SORT1: variants seen among roughly 807,000 people sequenced by gnomAD.
The protein encoded by SORT1 is sortilin.
A neutral mutation model predicts 101.7 loss-of-function variants in SORT1; 39 were observed. The ratio of observed to expected loss-of-function variants is 0.38; its 90% CI spans 0.30 to 0.50. SORT1 has a LOEUF of 0.50. Ranked by LOEUF, SORT1 falls within the 20% of genes least tolerant of loss-of-function variation. The pLI is 0.90. For synonymous variants in SORT1, 396 were observed against 393.7 expected (o/e 1.01, Z -0.07); for missense variants, 878 against 1,040.4 (o/e 0.84, Z 2.15).
chr1:109,333,856 T>C (rs966062634), intron 11 of SORT1, among the ~76,000 whole-genome samples: 14 of 152,128 alleles, frequency 9.2e-5, no homozygotes, highest in African/African-American at 3.4e-4. Context: ...AGAAAATGAA[T>C]AACAGCAGGG....
At chr1:109,381,791 G>A (rs1652254105) in intron 1 of SORT1, among the ~76,000 whole-genome samples, 1 of 152,090 alleles carries the variant, frequency 6.6e-6, no homozygotes, top group African/African-American at 2.4e-5. Context: ...TTGAGCCCAG[G>A]AGGTCAAGGC....
chr1:109,337,241 T>TTTTA (rs535757878), intron 10 of SORT1, among the ~76,000 whole-genome samples: 11 of 152,084 alleles, frequency 7.2e-5, no homozygotes, highest in Admixed American at 1.3e-4. Context: ...TTTCCTTTAT[T>TTTTA]TTTATTTATT....
At chr1:109,339,959 G>A (rs1405481981) in intron 10 of SORT1, among the ~76,000 whole-genome samples, 1 of 152,060 alleles carries the variant, frequency 6.6e-6, no homozygotes, top group Non-Finnish European at 1.5e-5. Flanking sequence ...GACCAACCTG[G>A]CCAACATGGT....
chr1:109,365,091 C>A (rs990530714), intron 3 of SORT1, among the ~76,000 whole-genome samples: 1 of 152,200 alleles, frequency 6.6e-6, no homozygotes, highest in African/African-American at 2.4e-5. Context: ...AGATAATAAA[C>A]TGCAAACAAA....
chr1:109,389,994 G>A (rs1652804008), intron 1 of SORT1: 1 of 152,138 alleles, frequency 6.6e-6, no homozygotes, highest in Non-Finnish European at 1.5e-5. Flanking sequence ...CCACAAAAGA[G>A]CTATCTTTTT....
At chr1:109,347,749 C>T (rs1649695303) in intron 6 of SORT1, among the ~76,000 whole-genome samples, 2 of 152,186 alleles carry the variant, frequency 1.3e-5, no homozygotes, top group African/African-American at 4.8e-5. Flanking sequence ...CACTTCTTTA[C>T]GTGAACTCTT....
chr1:109,374,067 C>T (rs1303889367), intron 1 of SORT1, among the ~76,000 whole-genome samples: 1 of 152,092 alleles, frequency 6.6e-6, no homozygotes, highest in Non-Finnish European at 1.5e-5. Context: ...CCAGCCTGAG[C>T]AACAGAGCAA....
intron 3 of SORT1, among the ~76,000 whole-genome samples, chr1:109,366,484 C>T (rs1379287131): frequency 1.3e-5 from 2 of 152,162 alleles, no homozygotes; most frequent in Non-Finnish European, 2.9e-5. Flanking sequence ...AATAAATATC[C>T]ATATAAATGA....
chr1:109,349,527 A>T (rs1261298411), intron 6 of SORT1, among the ~76,000 whole-genome samples: 6 of 152,094 alleles, frequency 3.9e-5, no homozygotes, highest in African/African-American at 1.4e-4. Flanking sequence ...GTACTCTGGG[A>T]GGCTGAGGAG....
At chr1:109,330,315 A>G (rs1233430079) in intron 11 of SORT1, among the ~76,000 whole-genome samples, 1 of 152,216 alleles carries the variant, frequency 6.6e-6, no homozygotes, top group Non-Finnish European at 1.5e-5. Flanking sequence ...CAACTACAAC[A>G]TTATGAAACT....
In SORT1 at chr1:109,327,529, G is replaced by C. The variant is rs1648163846; in HGVS notation, c.1444C>G (p.Pro482Ala). The C allele has an allele frequency of 6.2e-7, 1 of 1,611,292 alleles. No homozygotes were observed. Among genetic ancestry groups the C allele is most frequent in the African/African-American group, 1.3e-5 (1 of 74,798 alleles). The change falls in exon 12 of 20, where the codon CCG (proline) becomes GCG (alanine). Residue 482 changes from proline (P) to alanine (A), a missense_variant. Transcript: ENST00000256637. The part of the protein sequence containing the change: ...LNVPMAPLSE[P>A]NAVGIVIAHG... Reference sequence around the variant, plus strand: ...GCAATGACAATGCCTACGGCATTCGGCTCTGAGAGTGGGGCCATTGGAACA... The same window carrying C: ...GCAATGACAATGCCTACGGCATTCGCCTCTGAGAGTGGGGCCATTGGAACA...
chr1:109,337,879 G>A (rs2101574405), intron 10 of SORT1, among the ~76,000 whole-genome samples: 1 of 152,218 alleles, frequency 6.6e-6, no homozygotes, highest in South Asian at 2.1e-4. Flanking sequence ...ACTCACTTTG[G>A]TCTCCCAAAG....
intron 8 of SORT1, 111 bp from the exon 9 acceptor site, chr1:109,342,269 AC>A (rs1649279093): frequency 1.2e-6 from 1 of 808,238 alleles, no homozygotes; most frequent in Non-Finnish European, 2.0e-6. Context: ...TCTACTGGGT[AC>A]GATTGCTATG....
In SORT1 at chr1:109,314,704, C is replaced by T; in HGVS notation, c.2325G>A (p.Val775=). The T allele has an allele frequency of 6.2e-7, 1 of 1,608,110 alleles. No individual in the cohort carries two copies. The highest frequency in any genetic ancestry group is 1.7e-5 in the Admixed American group (1 of 60,010). The change falls in exon 18 of 20, where the codon GTG becomes GTA. Residue 775 remains valine, a synonymous_variant. Coordinates refer to ENST00000256637, the MANE Select transcript of SORT1 (RefSeq NM_002959.7). ...GLMLVTVVAG[V]LIVKKYVCGG... ...CACAGACATATTTCTTCACAATGAG[C>T]ACTCCTGCTACGACTGTGACCAGCA...
chr1:109,370,334 T>A (rs932565178), intron 1 of SORT1, among the ~76,000 whole-genome samples: 1 of 152,094 alleles, frequency 6.6e-6, no homozygotes, highest in African/African-American at 2.4e-5. Flanking sequence ...TTAAAGAAGA[T>A]GTAGACAATT....
intron 3 of SORT1, among the ~76,000 whole-genome samples, chr1:109,358,225 T>C (rs536689865): frequency 1.3e-5 from 2 of 152,332 alleles, no homozygotes; most frequent in African/African-American, 4.8e-5. Context: ...TAAGTAGGGT[T>C]CTAGCAAGGC....
chr1:109,330,596 A>G (rs1408646498), intron 11 of SORT1, among the ~76,000 whole-genome samples: 3 of 152,182 alleles, frequency 2.0e-5, no homozygotes, highest in Non-Finnish European at 4.4e-5. Flanking sequence ...ACTAAGCCCA[A>G]AGTTAGCAGA....
At chr1:109,323,194 T>C (rs1361150305) in intron 14 of SORT1, 73 bp from the exon 15 acceptor site, 7 of 1,054,240 alleles carry the variant, frequency 6.6e-6, no homozygotes, top group Admixed American at 4.1e-5. Context: ...TGCCAGGCTA[T>C]AGGAAGAACA....
intron 7 of SORT1, 73 bp downstream of exon 7, chr1:109,347,410 C>A: frequency 9.9e-7 from 1 of 1,014,280 alleles, no homozygotes; most frequent in Non-Finnish European, 1.6e-6. Context: ...TATGTTTCTA[C>A]CTTGCACAAC....
Sources: gnomAD v4.1 joint callset for allele counts (sites outside exome capture counted in the v4.1 genomes callset) on GRCh38, gnomAD v4.1.1 for gene constraint, MANE v1.5 for transcripts, NCBI Gene and HGNC (gene_info 2026-07-23, HGNC 2026-07-21) for gene names.